Variants in UNC5A observed in about 807,000 individuals in gnomAD.
UNC5A encodes the protein netrin receptor UNC5A.
A neutral mutation model predicts 87.4 loss-of-function variants in UNC5A; 20 were observed. The ratio of observed to expected loss-of-function variants is 0.23; its 90% confidence interval spans 0.16 to 0.33. UNC5A has a LOEUF of 0.33. UNC5A is among the 10% of genes least tolerant of loss of function. The pLI is 1.00. For synonymous variants in UNC5A, 438 were observed against 482.3 expected (o/e 0.91, Z 1.20); for missense variants, 844 against 1,133.4 (o/e 0.74, Z 3.67).
chr5:176,837,085 T>C (rs753868270), intron 1 of UNC5A, among the ~76,000 whole-genome samples: 3 of 152,154 alleles, frequency 2.0e-5, no homozygotes, highest in Non-Finnish European at 4.4e-5. Context: ...CCAGACTCAC[T>C]GTGCCGTGAA....
chr5:176,878,438 G>C (rs1040656718), intron 12 of UNC5A, 37 bp from the exon 13 acceptor site: 3 of 1,611,846 alleles, frequency 1.9e-6, no homozygotes. Context: ...CCTGGAGCTT[G>C]GGCTCACCTG....
At chr5:176,817,661 C>T (rs1284299954) in intron 1 of UNC5A, among the ~76,000 whole-genome samples, 2 of 152,066 alleles carry the variant, frequency 1.3e-5, no homozygotes, top group African/African-American at 2.4e-5. Flanking sequence ...CGCCAGTCCC[C>T]GCCCCGCTGT....
At chr5:176,813,561 C>A (rs1756520063) in intron 1 of UNC5A, among the ~76,000 whole-genome samples, 1 of 152,202 alleles carries the variant, frequency 6.6e-6, no homozygotes, top group Non-Finnish European at 1.5e-5. Flanking sequence ...AGAGCTGGTC[C>A]TCTTGCTGCC....
chr5:176,877,514 A>G (rs774135248), intron 9 of UNC5A, 21 bp from the exon 10 acceptor site: 1 of 1,567,190 alleles, frequency 6.4e-7, no homozygotes, highest in East Asian at 2.3e-5. Flanking sequence ...TTCCCTCCCC[A>G]CCCATATTTC....
At position 176,866,596 on chromosome 5, in the gene UNC5A, C is replaced by A. The variant is rs1757982261; in HGVS notation, c.293-1534C>A. On this transcript the variant is annotated intron_variant, in intron 2 of 14. Transcript: ENST00000329542. The surrounding 1 kb of genome is among the most constrained non-coding windows in gnomAD (Gnocchi z 5.0). The stretch of plus-strand genomic sequence containing the variant: ...GTCCACCCAAGGGAGAAAAAGTACC[C>A]AGTTCAGAATGTTCTGGAGGTCTCC... 6.6e-6 allele frequency among the ~76,000 whole-genome samples: 1 copy of A among 152,158 alleles called. No individual in the cohort carries two copies. Among genetic ancestry groups the A allele is most frequent in the Non-Finnish European group, 1.5e-5 (1 of 68,032 alleles).
Position 176,880,069 on chromosome 5 carries a change from T to A in UNC5A, c.*183T>A. On this transcript the variant is annotated 3_prime_UTR_variant, in exon 15 of 15. Transcript: ENST00000329542. ...CCCGAACTCCCACCTCTCCATGGCC[T>A]GCCTAGCCAGGCTGGCACTGCCACT... The A allele has an allele frequency of 1.3e-6, 1 of 775,012 alleles. No homozygotes were observed. Among genetic ancestry groups the A allele is most frequent in the Non-Finnish European group, 2.0e-6 (1 of 506,792 alleles). 48.0% of individuals were successfully genotyped at this position (775,012 alleles called of 1,614,324 possible).
intron 1 of UNC5A, among the ~76,000 whole-genome samples, chr5:176,852,700 C>T (rs1242739241): frequency 6.6e-6 from 1 of 152,226 alleles, no homozygotes; most frequent in African/African-American, 2.4e-5. Context: ...GAGCCCGTCC[C>T]CCCATCACAG....
chr5:176,834,775 C>T (rs1757111818), intron 1 of UNC5A, among the ~76,000 whole-genome samples: 1 of 151,580 alleles, frequency 6.6e-6, no homozygotes, highest in Non-Finnish European at 1.5e-5. Flanking sequence ...TGGGTCGCTG[C>T]AGGAGTCTGA....
At chr5:176,839,432 A>T (rs555765536) in intron 1 of UNC5A, among the ~76,000 whole-genome samples, 12 of 152,348 alleles carry the variant, frequency 7.9e-5, no homozygotes, top group African/African-American at 2.6e-4. Flanking sequence ...GAGCCTGGTG[A>T]TGGATGGCTG....
intron 1 of UNC5A, among the ~76,000 whole-genome samples, chr5:176,839,074 G>A (rs541811364): frequency 2.0e-4 from 31 of 152,214 alleles, no homozygotes; most frequent in Non-Finnish European, 3.8e-4. Context: ...GCACCTGCAG[G>A]TCTCTGCCTG....
At chr5:176,862,369 G>A (rs181882265) in intron 1 of UNC5A, among the ~76,000 whole-genome samples, 23 of 152,338 alleles carry the variant, frequency 1.5e-4, no homozygotes, top group African/African-American at 5.5e-4. Flanking sequence ...CTGGGACTCC[G>A]CCCAGGTCTC....
At chr5:176,845,273 G>A (rs918035395) in intron 1 of UNC5A, among the ~76,000 whole-genome samples, 3 of 152,118 alleles carry the variant, frequency 2.0e-5, no homozygotes, top group Non-Finnish European at 2.9e-5. Flanking sequence ...TGACCCCCTC[G>A]TCCCTGCTCA....
In UNC5A at chr5:176,862,770, ATCT is replaced by A; in HGVS notation, c.223_225del (p.Phe75del). 2 of 1,613,532 alleles carry A rather than the reference ATCT, an allele frequency of 1.2e-6. No homozygotes were observed. Among genetic ancestry groups the A allele is most frequent in the Non-Finnish European group, 1.7e-6 (2 of 1,179,928 alleles). On this transcript the variant is annotated inframe_deletion, in exon 2 of 15. Transcript: ENST00000329542. ...GTGCAAGGCCGTGCCCGCCACGCAGATCTTCTTCAAGTGCAACGGGGAGTGGGT... is the reference window on the plus strand; with the variant it reads ...GTGCAAGGCCGTGCCCGCCACGCAGATCTTCAAGTGCAACGGGGAGTGGGT...
chr5:176,823,136 C>T (rs472176), intron 1 of UNC5A, among the ~76,000 whole-genome samples: 13,355 of 126,344 alleles, frequency 0.11, 1,259 homozygotes, highest in African/African-American at 0.28. Flanking sequence ...ATGTGGGAGA[C>T]GCTGCAAAGG....
At chr5:176,839,506 C>T (rs1282666250) in intron 1 of UNC5A, among the ~76,000 whole-genome samples, 10 of 152,238 alleles carry the variant, frequency 6.6e-5, no homozygotes, top group African/African-American at 2.4e-4. Flanking sequence ...CCAGGAGGGC[C>T]GCTGTCTGGA....
intron 1 of UNC5A, among the ~76,000 whole-genome samples, chr5:176,837,107 T>G (rs1046909072): frequency 6.6e-6 from 1 of 152,008 alleles, no homozygotes; most frequent in African/African-American, 2.4e-5. Flanking sequence ...TTGCCTTTCC[T>G]CCCTCCCCAG....
rs1355932808 is a variant in UNC5A, at chr5:176,870,512, T to C, written c.864T>C (p.Cys288=). The change falls in exon 6 of 15, where the codon TGT becomes TGC. Residue 288 remains cysteine (C), a synonymous_variant. Coordinates refer to ENST00000329542, the MANE Select transcript of UNC5A (RefSeq NM_133369.3). The part of the protein sequence containing the change: ...CQGTDLDTRN[C]TSDLCVHTAS... The stretch of plus-strand genomic sequence containing the variant: ...GCACTGACCTGGACACCCGCAACTG[T>C]ACCAGTGACCTCTGTGTACACAGTG... 6.2e-7 allele frequency: 1 copy of C among 1,604,234 alleles called. No individual in the cohort carries two copies. Among genetic ancestry groups the C allele is most frequent in the African/African-American group, 1.3e-5 (1 of 74,722 alleles).
chr5:176,863,322 GC>G (rs1471542363), intron 2 of UNC5A, among the ~76,000 whole-genome samples: 1 of 152,240 alleles, frequency 6.6e-6, no homozygotes, highest in African/African-American at 2.4e-5. Context: ...GGAGGCAGAC[GC>G]CGGCATGCCG....
At position 176,879,495 on chromosome 5, in the gene UNC5A, G is replaced by A. The variant is rs368636349; in HGVS notation, c.2363+7G>A. The A allele has an allele frequency of 7.5e-4, 1,199 of 1,601,666 alleles. 1 individual carries two copies. Among genetic ancestry groups the A allele is most frequent in the Non-Finnish European group, 9.8e-4 (1,155 of 1,174,564 alleles). On this transcript the variant is annotated splice_region_variant and intron_variant, in intron 14 of 14. Coordinates refer to ENST00000329542, the MANE Select transcript of UNC5A (RefSeq NM_133369.3). Reference sequence around the variant, plus strand: ...AGAAACTCCACCTGGACAGGTGGGCGGGAGAGGGGCAGAGAGGGCCTGCGC... The same window carrying A: ...AGAAACTCCACCTGGACAGGTGGGCAGGAGAGGGGCAGAGAGGGCCTGCGC...
Sources: gnomAD v4.1 joint callset for allele counts (sites outside exome capture counted in the v4.1 genomes callset) on GRCh38, gnomAD v4.1.1 for gene constraint, Gnocchi (gnomAD v3.1) non-coding constraint, MANE v1.5 for transcripts, NCBI Gene and HGNC (gene_info 2026-07-23, HGNC 2026-07-21) for gene names.